The following DAB1 variants were observed in gnomAD, a reference collection of about 807,000 sequenced individuals.
DAB1 encodes the protein disabled homolog 1.
A neutral mutation model predicts 64.6 loss-of-function variants in DAB1; 15 were observed. That is an observed-to-expected ratio of 0.23 (90% CI 0.16 to 0.36). The LOEUF (loss-of-function observed/expected upper bound fraction) is 0.36. Among genes scored for constraint, DAB1 ranks in the 10% least tolerant of loss-of-function variants. The pLI is 1.00. For synonymous variants in DAB1, 235 were observed against 251.9 expected (o/e 0.93, Z 0.64); for missense variants, 596 against 706.7 (o/e 0.84, Z 1.78).
intron 1 of DAB1, among the ~76,000 whole-genome samples, chr1:57,847,273 C>G (rs1300096302): frequency 6.9e-6 from 1 of 144,794 alleles, no homozygotes; most frequent in African/African-American, 2.6e-5. Context: ...TTTTAAATCA[C>G]AGGAGGAAAA....
intron 7 of DAB1, among the ~76,000 whole-genome samples, chr1:57,480,790 A>C (rs1422058027): frequency 6.6e-6 from 1 of 152,122 alleles, no homozygotes; most frequent in South Asian, 2.1e-4. Context: ...CAGCCTTCAT[A>C]ATAAGTGTAA....
intron 5 of DAB1, among the ~76,000 whole-genome samples, chr1:57,978,844 T>G (rs1645989347): frequency 6.6e-6 from 1 of 152,152 alleles, no homozygotes; most frequent in African/African-American, 2.4e-5. Context: ...ATTATGGAAA[T>G]GCAAATCAAA....
chr1:58,170,825 C>T (rs1656127471), intron 4 of DAB1, among the ~76,000 whole-genome samples: 1 of 152,194 alleles, frequency 6.6e-6, no homozygotes, highest in African/African-American at 2.4e-5. Context: ...GATGATCCAA[C>T]AACAGGACTG....
At chr1:58,073,181 A>T (rs1301621403) in intron 5 of DAB1, among the ~76,000 whole-genome samples, 2 of 152,190 alleles carry the variant, frequency 1.3e-5, no homozygotes, top group African/African-American at 4.8e-5. Flanking sequence ...CCTATGCTAT[A>T]CAGAACTAGC....
Position 57,230,577 on chromosome 1 carries a change from G to A in DAB1, c.67+60387C>T, listed in dbSNP as rs140591180. Among the ~76,000 whole-genome samples the A allele has an allele frequency of 9.5e-3, 1,449 of 152,174 alleles. 10 individuals carry two copies. The highest frequency in any genetic ancestry group is 0.015 in the Non-Finnish European group (1,028 of 67,970). ...AGTGAACGTAAACATGAGCTTTGAA[G>A]CCAGACAAACCACGGTTCATGTCAC... On this transcript the variant is annotated intron_variant, in intron 2 of 14. Transcript: ENST00000371236.
At chr1:58,435,094 C>G (rs1450994225) in intron 3 of DAB1, among the ~76,000 whole-genome samples, 1 of 152,122 alleles carries the variant, frequency 6.6e-6, no homozygotes, top group African/African-American at 2.4e-5. Context: ...ACTTGGGACC[C>G]CTTTACTGGT....
chr1:57,054,630 A>G (rs905881651), intron 9 of DAB1, among the ~76,000 whole-genome samples: 2 of 151,756 alleles, frequency 1.3e-5, no homozygotes, highest in Non-Finnish European at 2.9e-5. Flanking sequence ...GGTACCCGCC[A>G]CCACGCCCGG....
At chr1:57,311,944 C>A (rs1009435789) in intron 1 of DAB1, among the ~76,000 whole-genome samples, 2 of 152,198 alleles carry the variant, frequency 1.3e-5, no homozygotes, top group Non-Finnish European at 2.9e-5. Flanking sequence ...GTTTCTTAAC[C>A]TCCCTGAACC....
At chr1:58,508,192 T>C (rs1370883322) in intron 2 of DAB1, among the ~76,000 whole-genome samples, 1 of 152,166 alleles carries the variant, frequency 6.6e-6, no homozygotes, top group Non-Finnish European at 1.5e-5. Context: ...ATATCTACTT[T>C]AATGTTAAGA....
chr1:57,378,524 T>C (rs1010467803), intron 1 of DAB1, among the ~76,000 whole-genome samples: 1 of 152,186 alleles, frequency 6.6e-6, no homozygotes, highest in African/African-American at 2.4e-5. Flanking sequence ...CATGAGGTAT[T>C]GGGTATTAGG....
intron 4 of DAB1, among the ~76,000 whole-genome samples, chr1:58,276,756 C>A (rs928098217): frequency 6.6e-6 from 1 of 152,160 alleles, no homozygotes; most frequent in African/African-American, 2.4e-5. Context: ...CATAAATTAT[C>A]TAAGTCTTAT....
At chr1:57,488,805 TTA>T (rs1183586440) in intron 7 of DAB1, among the ~76,000 whole-genome samples, 3 of 152,134 alleles carry the variant, frequency 2.0e-5, no homozygotes, top group African/African-American at 4.8e-5. Flanking sequence ...TTGAGCAAAT[TTA>T]TATGTTTTTA....
chr1:57,472,997 C>G (rs893392619), intron 7 of DAB1, among the ~76,000 whole-genome samples: 2 of 152,150 alleles, frequency 1.3e-5, no homozygotes, highest in African/African-American at 2.4e-5. Context: ...GAAGGGTTTG[C>G]TTTATTTCTC....
intron 7 of DAB1, among the ~76,000 whole-genome samples, chr1:57,461,224 T>C (rs1055539856): frequency 3.3e-5 from 5 of 152,206 alleles, no homozygotes; most frequent in Non-Finnish European, 2.9e-5. Context: ...AACGTCTTTA[T>C]TTTGTTGACT....
chr1:57,001,004 A>G (rs899846019), intron 14 of DAB1, among the ~76,000 whole-genome samples: 1 of 152,218 alleles, frequency 6.6e-6, no homozygotes, highest in African/African-American at 2.4e-5. Flanking sequence ...GACTGCAGTC[A>G]ACTCTCAATT....
chr1:58,064,974 T>G lies in DAB1; in HGVS notation n.387+85537A>C, dbSNP rs76350361. 4.3e-4 allele frequency among the ~76,000 whole-genome samples: 66 copies of G among 152,196 alleles called. No homozygotes were observed. In the East Asian group the frequency reaches 6.4e-3, roughly 15 times the overall value. On this transcript the variant is annotated intron_variant and non_coding_transcript_variant, in intron 5 of 20. Transcript: ENST00000485760. ...ATCCGCCCACCTCGGCCTCCCAAAA[T>G]GCTGGGATTACAAGCGTGAGCCACC...
At chr1:58,234,024 G>A (rs186807578) in intron 4 of DAB1, among the ~76,000 whole-genome samples, 1 of 152,346 alleles carries the variant, frequency 6.6e-6, no homozygotes, top group African/African-American at 2.4e-5. Flanking sequence ...TCAATTAGCA[G>A]AGCTGAAATG....
At chr1:58,089,974 G>A (rs907931650) in intron 5 of DAB1, among the ~76,000 whole-genome samples, 2 of 152,134 alleles carry the variant, frequency 1.3e-5, no homozygotes, top group Non-Finnish European at 2.9e-5. Flanking sequence ...ACTCAACATC[G>A]CAGCTGCAAA....
chr1:57,292,436 C>T (rs946644355), intron 1 of DAB1, among the ~76,000 whole-genome samples: 8 of 152,004 alleles, frequency 5.3e-5, no homozygotes, highest in African/African-American at 1.9e-4. Flanking sequence ...CTAAGAAAAA[C>T]AGAAAGTTAT....
Sources: allele counts gnomAD v4.1 joint callset (sites outside exome capture counted in the v4.1 genomes callset), GRCh38; gene constraint gnomAD v4.1.1; transcripts MANE v1.5; gene names NCBI Gene and HGNC (gene_info 2026-07-23, HGNC 2026-07-21).